Variants in VAC14 observed in about 807,000 individuals in gnomAD.
VAC14 encodes the protein protein VAC14 homolog.
In VAC14, 47 loss-of-function variants were observed where a neutral mutation model predicts 85.3. The ratio of observed to expected loss-of-function variants is 0.55; its 90% confidence interval spans 0.44 to 0.70. The LOEUF is 0.70. VAC14 is among the 30% of genes least tolerant of loss of function. The probability of loss-of-function intolerance (pLI) is 0.00; values close to 1 mark genes in which losing one functional copy is unlikely to be tolerated. For synonymous variants in VAC14, 447 were observed against 430.5 expected, an observed-to-expected ratio of 1.04 and a Z score of -0.47; for missense variants, 861 against 1,004.3, an observed-to-expected ratio of 0.86 and a Z score of 1.93.
Position 70,720,817 on chromosome 16 carries a change from CTG to C in VAC14, c.1661+10676_1661+10677del, listed in dbSNP as rs1405217407. ...TGTGGTCTGGAGCTGGAGCTCAAGA[CTG>C]GGGCCGGGGCAGGTCACACCCCTTC... On this transcript the variant is annotated intron_variant, in intron 14 of 18. Transcript: ENST00000261776. Among the ~76,000 whole-genome samples the C allele has an allele frequency of 2.6e-5, 4 of 152,330 alleles. No individual in the cohort carries two copies. In the East Asian group the frequency reaches 7.7e-4, roughly 29 times the overall value.
chr16:70,745,899 G>C (rs2030848501), intron 12 of VAC14, among the ~76,000 whole-genome samples: 1 of 152,246 alleles, frequency 6.6e-6, no homozygotes, highest in African/African-American at 2.4e-5. Context: ...GGACCGGCCA[G>C]GTGGCTGGAA....
intron 3 of VAC14, among the ~76,000 whole-genome samples, chr16:70,785,199 G>A (rs1048998083): frequency 6.6e-6 from 1 of 152,236 alleles, no homozygotes; most frequent in Admixed American, 6.5e-5. Context: ...AGGGGACAGG[G>A]TAGCTGCGAG....
intron 12 of VAC14, among the ~76,000 whole-genome samples, chr16:70,761,434 C>T (rs2032374652): frequency 6.6e-6 from 1 of 152,252 alleles, no homozygotes; most frequent in African/African-American, 2.4e-5. Context: ...GGACCGTCAG[C>T]ATCTGAGATG....
At chr16:70,727,322 CTCTT>C (rs1396998666) in intron 14 of VAC14, among the ~76,000 whole-genome samples, 2 of 152,168 alleles carry the variant, frequency 1.3e-5, no homozygotes, top group Non-Finnish European at 2.9e-5. Context: ...CGCGATGCCT[CTCTT>C]TATTTATTTA....
intron 12 of VAC14, among the ~76,000 whole-genome samples, chr16:70,760,965 GTGTGTGTGTGTGTGTGTGT>G (rs2032292954): frequency 1.6e-4 from 10 of 60,732 alleles, no homozygotes; most frequent in African/African-American, 5.8e-4. Context: ...AAGAGAGGGT[GTGTGTGTGTGTGTGTGTGT>G]GTGTGTGTGT....
At chr16:70,740,733 T>A (rs1048680441) in intron 13 of VAC14, among the ~76,000 whole-genome samples, 9 of 152,084 alleles carry the variant, frequency 5.9e-5, no homozygotes, top group South Asian at 2.1e-4. Context: ...CTGCTCCCCA[T>A]CCTGTTTGCC....
chr16:70,721,258 G>C (rs1277555420), intron 14 of VAC14, among the ~76,000 whole-genome samples: 1 of 152,152 alleles, frequency 6.6e-6, no homozygotes, highest in East Asian at 1.9e-4. Context: ...TTGACTTGGT[G>C]CTTCACCTCT....
Position 70,731,582 on chromosome 16 carries a change from G to C in VAC14, c.1574C>G (p.Ser525Cys). ...GTTGATCATGAACTTATAAAAGTAA[G>C]AATTCATGGTGGGAGTTGAAGGAGA... is the stretch of plus-strand genomic sequence containing the variant. ...ECSPSTPTMN[S>C]YFYKFMINLL... Residue 525 changes from serine (S) to cysteine (C), a missense_variant, in exon 14 of 19, where the codon TCT becomes TGT. Ser to Cys is a moderately radical substitution (Grantham distance 112). Coordinates refer to ENST00000261776, the MANE Select transcript of VAC14 (RefSeq NM_018052.5). 1.2e-6 allele frequency: 2 copies of C among 1,614,122 alleles called. No homozygotes were observed. Among genetic ancestry groups the C allele is most frequent in the Non-Finnish European group, 1.7e-6 (2 of 1,180,010 alleles).
chr16:70,786,379 A>T lies in VAC14; in HGVS notation c.105-14T>A. The T allele has an allele frequency of 3.1e-6, 5 of 1,611,296 alleles. No homozygotes were observed. The highest frequency in any genetic ancestry group is 4.2e-6 in the Non-Finnish European group (5 of 1,177,724). ...TCCCGGACCAGCCTGGAGAGAGAGG[A>T]GAGAGGGGCTGTGGGAATCAGGCTA... On this transcript the variant is annotated splice_polypyrimidine_tract_variant and intron_variant, in intron 1 of 18. Coordinates refer to ENST00000261776, the MANE Select transcript of VAC14 (RefSeq NM_018052.5).
intron 12 of VAC14, 193 bp from the exon 13 acceptor site, chr16:70,744,772 A>G (rs1423575767): frequency 3.4e-6 from 2 of 590,350 alleles, no homozygotes. Flanking sequence ...TCCAGAATGA[A>G]GGGAACACAG....
chr16:70,767,776 G>C (rs912365057), intron 10 of VAC14, among the ~76,000 whole-genome samples: 6 of 152,140 alleles, frequency 3.9e-5, no homozygotes, highest in Non-Finnish European at 7.3e-5. Flanking sequence ...TGTAAGATGG[G>C]GATAATAACA....
intron 13 of VAC14, among the ~76,000 whole-genome samples, chr16:70,734,959 G>T (rs1386554951): frequency 6.6e-6 from 1 of 152,216 alleles, no homozygotes; most frequent in African/African-American, 2.4e-5. Context: ...TTGCAGCTCT[G>T]CCAGGCTGCC....
At chr16:70,703,077 G>T (rs1306724864) in intron 14 of VAC14, among the ~76,000 whole-genome samples, 2 of 152,238 alleles carry the variant, frequency 1.3e-5, no homozygotes, top group African/African-American at 4.8e-5. Flanking sequence ...TGCTGTGAGT[G>T]GGCACCAGGG....
chr16:70,691,669 A>G (rs2053598740), intron 18 of VAC14: 1 of 985,452 alleles, frequency 1.0e-6, no homozygotes, highest in Non-Finnish European at 1.2e-6. Context: ...TTCTGGGGAA[A>G]TGGGGCAGGG....
chr16:70,762,177 T>C lies in VAC14; in HGVS notation c.1371+363A>G, dbSNP rs1260229461. On this transcript the variant is annotated intron_variant, in intron 12 of 18. Transcript: ENST00000261776. This position sits in a 1 kb window ranked among gnomAD's most constrained non-coding sequence, Gnocchi z 4.1. ...AGCTGGAGTGCAGTGGCACGATCTC[T>C]GCTCACTGCAACCTCTGCCTCCTGG... 6.6e-6 allele frequency among the ~76,000 whole-genome samples: 1 copy of C among 152,086 alleles called. No individual in the cohort carries two copies. The highest frequency in any genetic ancestry group is 1.5e-5 in the Non-Finnish European group (1 of 68,010).
At chr16:70,754,037 A>T (rs1057229356) in intron 12 of VAC14, among the ~76,000 whole-genome samples, 2 of 152,012 alleles carry the variant, frequency 1.3e-5, no homozygotes, top group Admixed American at 6.5e-5. Context: ...CTGGCCCCCA[A>T]TCCATTCATA....
At chr16:70,694,028 C>T (rs1477597333) in intron 17 of VAC14, among the ~76,000 whole-genome samples, 1 of 152,230 alleles carries the variant, frequency 6.6e-6, no homozygotes, top group Non-Finnish European at 1.5e-5. Context: ...GTTTCCAGTC[C>T]TTTCTTCCCT....
intron 8 of VAC14, among the ~76,000 whole-genome samples, chr16:70,781,266 C>G (rs984715416): frequency 6.6e-6 from 1 of 152,202 alleles, no homozygotes; most frequent in African/African-American, 2.4e-5. Flanking sequence ...AGAAGCCAAG[C>G]AGATGCTGGC....
chr16:70,769,823 G>A (rs945132515), intron 10 of VAC14: 1 of 152,168 alleles, frequency 6.6e-6, no homozygotes, highest in Non-Finnish European at 1.5e-5. Flanking sequence ...CCTTCTCCTA[G>A]ACCTCCCCGA....
Sources: allele counts gnomAD v4.1 joint callset (sites outside exome capture counted in the v4.1 genomes callset), GRCh38; gene constraint gnomAD v4.1.1; non-coding constraint Gnocchi (gnomAD v3.1); transcripts MANE v1.5; gene names NCBI Gene and HGNC (gene_info 2026-07-23, HGNC 2026-07-21).